Variants in CNOT4 observed in about 807,000 individuals in gnomAD.
CNOT4 encodes CCR4-associated factor 4.
CNOT4 carries 8 observed loss-of-function variants against 73.8 expected under a neutral mutation model. The observed-to-expected ratio is 0.11, with a 90% confidence interval of 0.06 to 0.20. CNOT4 has a LOEUF of 0.20. Among genes scored for constraint, CNOT4 ranks in the 10% least tolerant of loss-of-function variants. The pLI is 1.00. For missense variants in CNOT4, 564 were observed against 883.4 expected, an observed-to-expected ratio of 0.64 and a Z score of 4.58; for synonymous variants, 293 against 321.1, an observed-to-expected ratio of 0.91 and a Z score of 0.94.
intron 10 of CNOT4, among the ~76,000 whole-genome samples, chr7:135,379,199 T>C (rs948073385): frequency 3.9e-5 from 6 of 152,160 alleles, no homozygotes; most frequent in African/African-American, 1.4e-4. Flanking sequence ...AAGAGACTTA[T>C]AATAGTCAAT....
At chr7:135,438,963 T>C (rs549221448) in intron 1 of CNOT4, among the ~76,000 whole-genome samples, 1 of 152,268 alleles carries the variant, frequency 6.6e-6, no homozygotes, top group Non-Finnish European at 1.5e-5. Flanking sequence ...CAACTAATTA[T>C]GTAATAACAT....
chr7:135,415,114 G>T lies in CNOT4; in HGVS notation c.459+62C>A. On this transcript the variant is annotated intron_variant, in intron 4 of 11. Transcript: ENST00000541284. ...ATCAGAGAGAGCAAAGTTTCCTTTG[G>T]AACAGCCCAGGTCAAGCCCAGACCA... 3 of 955,732 alleles carry T rather than the reference G, an allele frequency of 3.1e-6. No individual in the cohort carries two copies. In the South Asian group the frequency reaches 4.2e-5, roughly 13 times the overall value. 59.2% of individuals were successfully genotyped at this position (955,732 alleles called of 1,614,324 possible). A position where few individuals can be genotyped will look rare whatever the true frequency, so the allele number is the denominator to read the frequency against.
intron 10 of CNOT4, among the ~76,000 whole-genome samples, chr7:135,378,518 G>A (rs112277876): frequency 4.1e-5 from 6 of 145,180 alleles, no homozygotes; most frequent in Non-Finnish European, 3.0e-5. Flanking sequence ...TAGAGAGAAG[G>A]AAAAAAAAAA....
intron 1 of CNOT4, among the ~76,000 whole-genome samples, chr7:135,466,369 G>A (rs1242099688): frequency 3.3e-5 from 5 of 151,158 alleles, no homozygotes; most frequent in Non-Finnish European, 5.9e-5. Flanking sequence ...AGCTACTCAG[G>A]AGGCTGAGGT....
intron 1 of CNOT4, among the ~76,000 whole-genome samples, chr7:135,498,275 A>G (rs913912678): frequency 3.9e-5 from 6 of 152,212 alleles, no homozygotes; most frequent in Non-Finnish European, 7.3e-5. Context: ...TTTACTCCAA[A>G]TAATGAAGAA....
At chr7:135,448,272 T>C (rs951529261) in intron 1 of CNOT4, among the ~76,000 whole-genome samples, 1 of 152,054 alleles carries the variant, frequency 6.6e-6, no homozygotes, top group African/African-American at 2.4e-5. Flanking sequence ...GTGCTGAGTG[T>C]GGTGGCTCAC....
Position 135,443,044 on chromosome 7 carries a change from G to A in CNOT4, c.-92-4621C>T, listed in dbSNP as rs148492024. Among the ~76,000 whole-genome samples the A allele has an allele frequency of 2.7e-4, 41 of 152,002 alleles. No homozygotes were observed. In the East Asian group the frequency reaches 7.7e-3, roughly 29 times the overall value. ...ACTGTACTCTAGCCTGGGTGATAGA[G>A]TGAAACCCTGTCTCAACAACAATTC... On this transcript the variant is annotated intron_variant, in intron 1 of 11. Coordinates refer to ENST00000541284, the MANE Select transcript of CNOT4 (RefSeq NM_001190850.2).
intron 1 of CNOT4, among the ~76,000 whole-genome samples, chr7:135,443,699 T>C (rs1799630271): frequency 6.6e-6 from 1 of 152,258 alleles, no homozygotes; most frequent in South Asian, 2.1e-4. Context: ...TGTGTAATAA[T>C]GCTCCTGCAT....
chr7:135,420,460 C>T (rs1235741397), intron 3 of CNOT4, among the ~76,000 whole-genome samples: 1 of 151,066 alleles, frequency 6.6e-6, no homozygotes, highest in African/African-American at 2.4e-5. Context: ...ACCTGTAGAC[C>T]CAGTTACCTG....
intron 1 of CNOT4, among the ~76,000 whole-genome samples, chr7:135,506,096 G>A (rs1038107797): frequency 2.6e-5 from 4 of 152,056 alleles, no homozygotes; most frequent in African/African-American, 9.7e-5. Flanking sequence ...TTAAAATATT[G>A]AGGATATTGT....
At chr7:135,419,210 T>G (rs906947663) in intron 3 of CNOT4, among the ~76,000 whole-genome samples, 1 of 152,182 alleles carries the variant, frequency 6.6e-6, no homozygotes, top group Non-Finnish European at 1.5e-5. Flanking sequence ...CTTTTTGGTA[T>G]GCAAAAATTA....
Position 135,432,894 on chromosome 7 carries a change from G to A in CNOT4, c.174+5264C>T, listed in dbSNP as rs74558266. ...GCTATTGAGAAATCTGAAACGATTC[G>A]GATTCCTTGTCTTTTACATGCGATC... On this transcript the variant is annotated intron_variant, in intron 2 of 11. Transcript: ENST00000541284. Among the ~76,000 whole-genome samples, 338 of 152,216 alleles carry A rather than the reference G, an allele frequency of 2.2e-3. 11 individuals carry two copies. The East Asian group carries it at 0.054, about 24-fold the overall frequency.
intron 1 of CNOT4, among the ~76,000 whole-genome samples, chr7:135,454,450 T>G (rs894165914): frequency 6.6e-6 from 1 of 151,588 alleles, no homozygotes; most frequent in Non-Finnish European, 1.5e-5. Context: ...GCTCAAGAGT[T>G]AAAGACCAGC....
chr7:135,422,831 T>C lies in CNOT4; in HGVS notation c.175-478A>G, dbSNP rs557788164. Among the ~76,000 whole-genome samples, 5 of 152,326 alleles carry C rather than the reference T, an allele frequency of 3.3e-5. No homozygotes were observed. The East Asian group carries it at 7.7e-4, about 23-fold the overall frequency. On this transcript the variant is annotated intron_variant, in intron 2 of 11. Coordinates refer to ENST00000541284, the MANE Select transcript of CNOT4 (RefSeq NM_001190850.2). ...AGCAATTATTACTGTGCCTGGAACATAGTAATCTCTCAGTATAATACTAGC... is the reference window on the plus strand; with the variant it reads ...AGCAATTATTACTGTGCCTGGAACACAGTAATCTCTCAGTATAATACTAGC...
intron 1 of CNOT4, among the ~76,000 whole-genome samples, chr7:135,484,726 G>A (rs1165486945): frequency 6.7e-6 from 1 of 149,180 alleles, no homozygotes. Context: ...CTGCACTCTA[G>A]CCTAGGCAAG....
intron 2 of CNOT4, among the ~76,000 whole-genome samples, chr7:135,437,917 G>A (rs987113044): frequency 1.3e-5 from 2 of 152,046 alleles, no homozygotes; most frequent in Admixed American, 1.3e-4. Flanking sequence ...ACAAACTAAA[G>A]GCCAATCAGA....
At chr7:135,431,339 C>A (rs988854299) in intron 2 of CNOT4, among the ~76,000 whole-genome samples, 1 of 152,144 alleles carries the variant, frequency 6.6e-6, no homozygotes, top group African/African-American at 2.4e-5. Flanking sequence ...CACATAATCA[C>A]CTATGTAGAA....
At chr7:135,391,518 C>G (rs145237088) in intron 10 of CNOT4, among the ~76,000 whole-genome samples, 3 of 151,826 alleles carry the variant, frequency 2.0e-5, no homozygotes, top group Non-Finnish European at 4.4e-5. Flanking sequence ...TTGGTGACTA[C>G]ATTTTTAGCA....
At chr7:135,489,695 C>T (rs1011286687) in intron 1 of CNOT4, among the ~76,000 whole-genome samples, 8 of 152,040 alleles carry the variant, frequency 5.3e-5, no homozygotes, top group Admixed American at 2.6e-4. Flanking sequence ...TGCGCCTGGC[C>T]GACTAGCCAC....
Sources: gnomAD v4.1 joint callset for allele counts (sites outside exome capture counted in the v4.1 genomes callset) on GRCh38, gnomAD v4.1.1 for gene constraint, MANE v1.5 for transcripts, NCBI Gene and HGNC (gene_info 2026-07-23, HGNC 2026-07-21) for gene names.